Variants in AMPH observed in about 807,000 individuals in gnomAD.
The protein encoded by AMPH is amphiphysin (Stiff-Mann syndrome with breast cancer 128kD autoantigen).
In AMPH, 49 loss-of-function variants were observed where a neutral mutation model predicts 99.1. That is an observed-to-expected ratio of 0.49 (90% CI 0.39 to 0.63). AMPH has a LOEUF of 0.63. Ranked by LOEUF, AMPH falls within the 20% of genes least tolerant of loss-of-function variation. AMPH has a pLI of 0.00. For synonymous variants in AMPH, 314 were observed against 317.3 expected (o/e 0.99, Z 0.11); for missense variants, 759 against 863.4 (o/e 0.88, Z 1.52).
chr7:38,445,796 C>T lies in AMPH; in HGVS notation c.1018-9408G>A, dbSNP rs560856803. ...TCAAATCTCATGTCAACTTGTTATC[C>T]CAGTGTTAGAGGTAGGGTCTGGTGG... On this transcript the variant is annotated intron_variant, in intron 11 of 20. Transcript: ENST00000356264. Among the ~76,000 whole-genome samples the T allele has an allele frequency of 3.3e-5, 5 of 152,174 alleles. No homozygotes were observed. The South Asian group carries it at 1.0e-3, about 32-fold the overall frequency.
At chr7:38,548,398 G>C (rs1791066510) in intron 1 of AMPH, among the ~76,000 whole-genome samples, 1 of 152,114 alleles carries the variant, frequency 6.6e-6, no homozygotes, top group Non-Finnish European at 1.5e-5. Flanking sequence ...TGTTATTTAG[G>C]AATAAAATGG....
intron 11 of AMPH, among the ~76,000 whole-genome samples, chr7:38,450,652 G>A (rs1428724367): frequency 6.6e-6 from 1 of 152,160 alleles, no homozygotes; most frequent in African/African-American, 2.4e-5. Context: ...TTTCCAGGAG[G>A]GTGAGTGGTA....
At chr7:38,406,265 T>G (rs1784980836) in intron 17 of AMPH, among the ~76,000 whole-genome samples, 1 of 151,972 alleles carries the variant, frequency 6.6e-6, no homozygotes, top group South Asian at 2.1e-4. Flanking sequence ...CAAAAAGATA[T>G]AAAGATCTCA....
At chr7:38,427,073 G>A in intron 14 of AMPH, 87 bp from the exon 15 acceptor site, 1 of 1,218,156 alleles carries the variant, frequency 8.2e-7, no homozygotes, top group Admixed American at 1.8e-5. Flanking sequence ...AAGTTGGAAA[G>A]TAAAGACTAT....
intron 1 of AMPH, among the ~76,000 whole-genome samples, chr7:38,581,962 TAAG>T (rs1206308690): frequency 6.6e-6 from 1 of 152,024 alleles, no homozygotes; most frequent in Non-Finnish European, 1.5e-5. Context: ...ATTAGATGCC[TAAG>T]AAGAGATGTC....
intron 11 of AMPH, among the ~76,000 whole-genome samples, chr7:38,455,196 G>C (rs1005494836): frequency 1.3e-5 from 2 of 151,828 alleles, no homozygotes; most frequent in African/African-American, 4.8e-5. Context: ...TCAGCCTTCC[G>C]AGTAGCTGGG....
At chr7:38,441,876 A>ATCATATATCATATATACATATC in intron 11 of AMPH, among the ~76,000 whole-genome samples, 1 of 48,690 alleles carries the variant, frequency 2.1e-5, no homozygotes, top group East Asian at 5.8e-4. Context: ...TATCATATAT[A>ATCATATATCATATATACATATC]TATCATATAC....
At chr7:38,507,350 T>C (rs1789364593) in intron 2 of AMPH, among the ~76,000 whole-genome samples, 1 of 152,220 alleles carries the variant, frequency 6.6e-6, no homozygotes, top group African/African-American at 2.4e-5. Flanking sequence ...TCTTTTCCAA[T>C]TATTAAAATT....
chr7:38,434,999 C>T lies in AMPH; in HGVS notation c.1134+1273G>A, dbSNP rs1055487636. Among the ~76,000 whole-genome samples the T allele has an allele frequency of 2.6e-5, 4 of 152,244 alleles. No homozygotes were observed. In the East Asian group the frequency reaches 7.7e-4, roughly 29 times the overall value. On this transcript the variant is annotated intron_variant, in intron 12 of 20. Coordinates refer to ENST00000356264, the MANE Select transcript of AMPH (RefSeq NM_001635.4). Reference sequence around the variant, plus strand: ...GTTAACATAGATTTCTGTGGTCAAACAAATTTGGGAAACTCTAAGTTAAAC... The same window carrying T: ...GTTAACATAGATTTCTGTGGTCAAATAAATTTGGGAAACTCTAAGTTAAAC...
At chr7:38,513,649 C>A (rs1178087984) in intron 2 of AMPH, among the ~76,000 whole-genome samples, 1 of 152,182 alleles carries the variant, frequency 6.6e-6, no homozygotes, top group Non-Finnish European at 1.5e-5. Flanking sequence ...AGAAATTTTT[C>A]TCTAAATTGT....
chr7:38,413,110 G>A (rs1235305071), intron 17 of AMPH, among the ~76,000 whole-genome samples: 4 of 152,128 alleles, frequency 2.6e-5, no homozygotes, highest in East Asian at 1.9e-4. Context: ...TTTTCATGAC[G>A]ATGATAACAA....
intron 11 of AMPH, among the ~76,000 whole-genome samples, chr7:38,450,730 C>G (rs1362453208): frequency 6.6e-6 from 1 of 152,082 alleles, no homozygotes; most frequent in Non-Finnish European, 1.5e-5. Flanking sequence ...GACTGGCCAT[C>G]AGAATGTTGC....
rs1398191422 is a variant in AMPH at position 38,384,450 on chromosome 7, T to C, written c.*368A>G. The stretch of plus-strand genomic sequence containing the variant: ...AAGATAATCTTGTACTACAGGATAA[T>C]TCATCACATCTTCTGCAGGGCAGCC... On this transcript the variant is annotated 3_prime_UTR_variant, in exon 21 of 21. Coordinates refer to ENST00000356264, the MANE Select transcript of AMPH (RefSeq NM_001635.4). The C allele has an allele frequency of 5.4e-6, 1 of 186,424 alleles. No individual in the cohort carries two copies. Among genetic ancestry groups the C allele is most frequent in the Non-Finnish European group, 1.2e-5 (1 of 86,410 alleles). The allele number at this position is 186,424 out of a possible 1,614,324, so 11.5% of individuals were successfully genotyped here. A position where few individuals can be genotyped will look rare whatever the true frequency, so the allele number is the denominator to read the frequency against.
At chr7:38,600,993 T>C (rs559793471) in intron 1 of AMPH, among the ~76,000 whole-genome samples, 1 of 152,370 alleles carries the variant, frequency 6.6e-6, no homozygotes, top group South Asian at 2.1e-4. Context: ...TTGCTCATTA[T>C]GCCAGTTCAC....
chr7:38,444,814 G>C (rs575961048), intron 11 of AMPH, among the ~76,000 whole-genome samples: 378 of 151,850 alleles, frequency 2.5e-3, no homozygotes, highest in African/African-American at 8.5e-3. Context: ...AAATTCAAAG[G>C]ACCTAGAATA....
intron 3 of AMPH, among the ~76,000 whole-genome samples, chr7:38,496,341 T>C (rs1047070186): frequency 6.6e-6 from 1 of 152,176 alleles, no homozygotes; most frequent in African/African-American, 2.4e-5. Flanking sequence ...TCATAGCACT[T>C]GTGCTCTCTT....
At chr7:38,464,526 G>A (rs1282232141) in intron 9 of AMPH, among the ~76,000 whole-genome samples, 1 of 152,212 alleles carries the variant, frequency 6.6e-6, no homozygotes, top group Non-Finnish European at 1.5e-5. Context: ...ATTAACATAT[G>A]TAGAAGTTGG....
At chr7:38,432,612 A>ACACG (rs1786078140) in intron 12 of AMPH, among the ~76,000 whole-genome samples, 1 of 151,114 alleles carries the variant, frequency 6.6e-6, no homozygotes, top group African/African-American at 2.5e-5. Context: ...ACACACACAC[A>ACACG]CACACACACA....
intron 5 of AMPH, among the ~76,000 whole-genome samples, chr7:38,477,217 A>AG (rs1350364219): frequency 1.3e-5 from 2 of 151,992 alleles, no homozygotes; most frequent in Non-Finnish European, 2.9e-5. Flanking sequence ...CAAGCAGCTG[A>AG]GGGCAGAGTT....
Sources: gnomAD v4.1 joint callset for allele counts (sites outside exome capture counted in the v4.1 genomes callset) on GRCh38, gnomAD v4.1.1 for gene constraint, MANE v1.5 for transcripts, NCBI Gene and HGNC (gene_info 2026-07-23, HGNC 2026-07-21) for gene names.